The following CPQ variants were observed in gnomAD, a reference collection of about 807,000 sequenced individuals.
The protein encoded by CPQ is carboxypeptidase Q.
In CPQ, 37 loss-of-function variants were observed where a neutral mutation model predicts 45.7. That is an observed-to-expected ratio of 0.81 (90% CI 0.62 to 1.07). The LOEUF (loss-of-function observed/expected upper bound fraction) is 1.07. Ranked by LOEUF, CPQ falls within the 50% of genes least tolerant of loss-of-function variation. The pLI is 0.00. For synonymous variants in CPQ, 186 were observed against 205.8 expected (o/e 0.90, Z 0.82); for missense variants, 537 against 572.9 (o/e 0.94, Z 0.64).
At chr8:96,837,372 G>A (rs539528226) in intron 3 of CPQ, among the ~76,000 whole-genome samples, 23 of 152,226 alleles carry the variant, frequency 1.5e-4, no homozygotes, top group African/African-American at 5.3e-4. Context: ...AACTGCCTAC[G>A]TGTCAAATTT....
Position 96,738,974 on chromosome 8 carries a change from C to T in CPQ, c.-34-45890C>T, listed in dbSNP as rs561086122. On this transcript the variant is annotated intron_variant, in intron 1 of 7. Coordinates refer to ENST00000220763, the MANE Select transcript of CPQ (RefSeq NM_016134.4). Reference sequence around the variant, plus strand: ...GATTTATAGTCCTTTGGGTATATACCCAGTAATGGGATGGCTGGGTCAAAT... The same window carrying T: ...GATTTATAGTCCTTTGGGTATATACTCAGTAATGGGATGGCTGGGTCAAAT... Among the ~76,000 whole-genome samples the T allele has an allele frequency of 4.0e-3, 610 of 151,496 alleles. 5 individuals carry two copies. Among genetic ancestry groups the T allele is most frequent in the African/African-American group, 0.014 (574 of 41,254 alleles).
intron 1 of CPQ, among the ~76,000 whole-genome samples, chr8:96,744,479 A>G (rs1311833342): frequency 6.6e-6 from 1 of 152,222 alleles, no homozygotes; most frequent in Non-Finnish European, 1.5e-5. Context: ...AGGTGTTCCT[A>G]TTCGGCCATC....
intron 5 of CPQ, among the ~76,000 whole-genome samples, chr8:96,979,047 T>A: frequency 8.9e-6 from 1 of 112,716 alleles, no homozygotes. Flanking sequence ...AGTTAGGAAG[T>A]GGTAAAAAAA....
intron 6 of CPQ, among the ~76,000 whole-genome samples, chr8:97,040,070 A>G (rs1488524055): frequency 1.3e-5 from 2 of 150,628 alleles, no homozygotes; most frequent in African/African-American, 4.9e-5. Flanking sequence ...TGACTTCCAC[A>G]ATGGTTGAAC....
At chr8:96,832,723 A>G (rs537544798) in intron 2 of CPQ, among the ~76,000 whole-genome samples, 17 of 152,168 alleles carry the variant, frequency 1.1e-4, no homozygotes, top group Non-Finnish European at 2.4e-4. Flanking sequence ...CACATGATGA[A>G]GGTGGGAAAA....
chr8:96,696,712 A>T (rs926690451), intron 1 of CPQ, among the ~76,000 whole-genome samples: 2 of 151,888 alleles, frequency 1.3e-5, no homozygotes, highest in Non-Finnish European at 1.5e-5. Flanking sequence ...CAGAAATTCA[A>T]AGGATCATTA....
At chr8:97,142,205 G>T (rs1167877505) in intron 7 of CPQ, among the ~76,000 whole-genome samples, 1 of 152,142 alleles carries the variant, frequency 6.6e-6, no homozygotes, top group Non-Finnish European at 1.5e-5. Context: ...CAATAAAACA[G>T]TCAACCAACC....
intron 6 of CPQ, among the ~76,000 whole-genome samples, chr8:97,044,753 C>T (rs11998427): frequency 0.021 from 3,126 of 152,222 alleles, 101 homozygotes; most frequent in African/African-American, 0.07. Flanking sequence ...GGTCCACTCC[C>T]GACCCTGTTT....
intron 5 of CPQ, among the ~76,000 whole-genome samples, chr8:96,968,794 T>A (rs1392158298): frequency 2.6e-5 from 4 of 152,220 alleles, no homozygotes; most frequent in Admixed American, 1.3e-4. Context: ...ATAGATTCAC[T>A]TTTTTGCTCA....
chr8:96,886,545 G>A (rs1730023264), intron 4 of CPQ, among the ~76,000 whole-genome samples: 1 of 152,124 alleles, frequency 6.6e-6, no homozygotes, highest in African/African-American at 2.4e-5. Flanking sequence ...AGTCTTAGAG[G>A]CAGAGACAGA....
At chr8:96,846,180 A>G (rs1811687122) in intron 3 of CPQ, among the ~76,000 whole-genome samples, 1 of 152,190 alleles carries the variant, frequency 6.6e-6, no homozygotes, top group African/African-American at 2.4e-5. Context: ...GTGACACTTC[A>G]GGCTGCTCCA....
chr8:96,736,206 T>C (rs1201630937), intron 1 of CPQ, among the ~76,000 whole-genome samples: 1 of 152,240 alleles, frequency 6.6e-6, no homozygotes, highest in Non-Finnish European at 1.5e-5. Flanking sequence ...ATATGAATTA[T>C]TGCATTTGTT....
chr8:96,918,085 A>G (rs1418077302), intron 4 of CPQ, among the ~76,000 whole-genome samples: 1 of 152,084 alleles, frequency 6.6e-6, no homozygotes, highest in Non-Finnish European at 1.5e-5. Flanking sequence ...TATCCAGGGG[A>G]TAATGCATAG....
chr8:96,700,296 C>T (rs1474575722), intron 1 of CPQ, among the ~76,000 whole-genome samples: 1 of 151,994 alleles, frequency 6.6e-6, no homozygotes, highest in Non-Finnish European at 1.5e-5. Flanking sequence ...AGAGAAAATC[C>T]CCCAGCTCAC....
intron 3 of CPQ, among the ~76,000 whole-genome samples, chr8:96,842,057 A>T (rs1163117170): frequency 6.6e-6 from 1 of 152,214 alleles, no homozygotes; most frequent in East Asian, 1.9e-4. Context: ...ATTTCACATG[A>T]ACATTTTGTA....
intron 7 of CPQ, among the ~76,000 whole-genome samples, chr8:97,101,557 C>CT (rs1384931239): frequency 2.5e-5 from 3 of 121,544 alleles, no homozygotes; most frequent in East Asian, 4.9e-4. Context: ...CCAACTGAGT[C>CT]TTTTTTTCTT....
At chr8:96,704,289 T>A (rs191955465) in intron 1 of CPQ, among the ~76,000 whole-genome samples, 84 of 152,334 alleles carry the variant, frequency 5.5e-4, no homozygotes, top group Non-Finnish European at 9.0e-4. Context: ...ATGACAAATG[T>A]AGCTCTAAAA....
At chr8:96,767,746 C>T (rs1211092821) in intron 1 of CPQ, among the ~76,000 whole-genome samples, 3 of 145,098 alleles carry the variant, frequency 2.1e-5, no homozygotes, top group Admixed American at 7.2e-5. Context: ...CAGATTCAAG[C>T]GATTCTCCTG....
At chr8:96,706,259 C>A (rs944890465) in intron 1 of CPQ, among the ~76,000 whole-genome samples, 10 of 152,148 alleles carry the variant, frequency 6.6e-5, no homozygotes, top group African/African-American at 2.4e-4. Flanking sequence ...TGGTTTTGAA[C>A]CAATGACTCT....
Sources: allele counts gnomAD v4.1 joint callset (sites outside exome capture counted in the v4.1 genomes callset), GRCh38; gene constraint gnomAD v4.1.1; transcripts MANE v1.5; gene names NCBI Gene and HGNC (gene_info 2026-07-23, HGNC 2026-07-21).